NPR3: variants seen among roughly 807,000 people sequenced by gnomAD.
The protein encoded by NPR3 is atrial natriuretic peptide receptor 3.
Under a neutral mutation model 54.5 loss-of-function variants are expected in NPR3, and 34 were observed. The ratio of observed to expected loss-of-function variants is 0.62; its 90% CI spans 0.47 to 0.83. The LOEUF (loss-of-function observed/expected upper bound fraction) is 0.83, where lower values mean the gene tolerates loss of function less well. NPR3 is among the 40% of genes least tolerant of loss of function. The probability of loss-of-function intolerance (pLI) is 0.00; values close to 1 mark genes in which losing one functional copy is unlikely to be tolerated. For missense variants in NPR3, 674 were observed against 720.8 expected, an observed-to-expected ratio of 0.94 and a Z score of 0.74; for synonymous variants, 289 against 297.1, an observed-to-expected ratio of 0.97 and a Z score of 0.28.
upstream of NPR3, among the ~76,000 whole-genome samples, chr5:32,709,138 GCCACTGAAA>G (rs1174450935): frequency 1.3e-5 from 2 of 152,058 alleles, no homozygotes; most frequent in Non-Finnish European, 2.9e-5. Context: ...TCACACCGGT[GCCACTGAAA>G]CCCCAGACTC....
chr5:32,735,747 C>T (rs775809252), intron 2 of NPR3, among the ~76,000 whole-genome samples: 31 of 152,272 alleles, frequency 2.0e-4, no homozygotes, highest in South Asian at 2.1e-4. Flanking sequence ...ACTGATGGGG[C>T]GTCATGCCAA....
chr5:32,705,104 A>C (rs183766388), upstream of NPR3, among the ~76,000 whole-genome samples: 113 of 152,364 alleles, frequency 7.4e-4, no homozygotes, highest in Non-Finnish European at 1.4e-3. Flanking sequence ...TTCTGCTGAA[A>C]TTGAAGCAAG....
chr5:32,710,879 G>GGT (rs1326482495), upstream of NPR3: 52 of 1,028,704 alleles, frequency 5.1e-5, no homozygotes, highest in Admixed American at 8.6e-5. Context: ...TTTTTTGCAC[G>GGT]GTGTGTGTGT....
intron 3 of NPR3, among the ~76,000 whole-genome samples, chr5:32,751,706 C>A (rs1314767152): frequency 6.6e-6 from 1 of 152,132 alleles, no homozygotes; most frequent in Non-Finnish European, 1.5e-5. Context: ...CCCTCTCTCC[C>A]AGGTCTCCCT....
chr5:32,783,232 G>A, intron 6 of NPR3: 1 of 467,492 alleles, frequency 2.1e-6, no homozygotes, highest in Non-Finnish European at 3.7e-6. Flanking sequence ...CACAATGGTA[G>A]AATGTTTCTT....
At chr5:32,710,747 C>G (rs1267888436), upstream of NPR3, 1 of 1,547,664 alleles carries the variant, frequency 6.5e-7, no homozygotes, top group Non-Finnish European at 8.7e-7. Context: ...CGCCCCGCGT[C>G]GGTGCTTCAG....
rs562574593 is a variant in NPR3 at position 32,734,186 on chromosome 5, G to A, written c.893-4678G>A. Among the ~76,000 whole-genome samples the A allele has an allele frequency of 3.3e-5, 5 of 152,256 alleles. No homozygotes were observed. The East Asian group carries it at 5.8e-4, about 18-fold the overall frequency. ...CATGGCAAGCATGTGACAGTGGGTC[G>A]TTTGGAGAGGGTGGGGGTAAGCCAA... On this transcript the variant is annotated intron_variant, in intron 2 of 7. Transcript: ENST00000265074.
chr5:32,707,218 A>G (rs1028465088), upstream of NPR3, among the ~76,000 whole-genome samples: 3 of 152,174 alleles, frequency 2.0e-5, no homozygotes, highest in Admixed American at 2.0e-4. Flanking sequence ...TAATAAAGAA[A>G]CAACTCTGTG....
At chr5:32,704,883 C>T (rs760146125), upstream of NPR3, among the ~76,000 whole-genome samples, 6 of 151,956 alleles carry the variant, frequency 3.9e-5, no homozygotes, top group Non-Finnish European at 8.8e-5. Flanking sequence ...AAGAAGGCAG[C>T]GTACAACTAA....
rs181403003 is a variant in NPR3 at position 32,789,288 on chromosome 5, A to G, written c.*2943A>G. The G allele has an allele frequency of 2.5e-4, 68 of 267,212 alleles. No homozygotes were observed. Among genetic ancestry groups the G allele is most frequent in the Non-Finnish European group, 1.1e-4 (14 of 130,654 alleles). The allele number at this position is 267,212 out of a possible 1,614,324, so 16.6% of individuals were successfully genotyped here. A position where few individuals can be genotyped will look rare whatever the true frequency, so the allele number is the denominator to read the frequency against. The stretch of plus-strand genomic sequence containing the variant: ...TCATTGTCTTCTTAGATTTTTGGGT[A>G]GGGGGGCCAGGTAGGGGGAGACTCA... On this transcript the variant is annotated 3_prime_UTR_variant, in exon 8 of 8. Coordinates refer to ENST00000265074, the MANE Select transcript of NPR3 (RefSeq NM_001204375.2).
chr5:32,725,134 G>A (rs1046304974), intron 2 of NPR3, among the ~76,000 whole-genome samples: 2 of 152,042 alleles, frequency 1.3e-5, no homozygotes, highest in African/African-American at 4.8e-5. Context: ...GGTGGTGGGG[G>A]TGGGTTAAAA....
intron 1 of NPR3, among the ~76,000 whole-genome samples, chr5:32,697,908 G>A (rs902385776): frequency 4.6e-5 from 7 of 151,560 alleles, no homozygotes; most frequent in African/African-American, 9.7e-5. Flanking sequence ...AAGGTTTGTC[G>A]ATTTTCTTTA....
chr5:32,741,328 G>A (rs1740028242), intron 3 of NPR3, among the ~76,000 whole-genome samples: 1 of 152,180 alleles, frequency 6.6e-6, no homozygotes, highest in African/African-American at 2.4e-5. Context: ...TGAGGTAGGA[G>A]GATCACCTGA....
At chr5:32,765,440 G>A (rs1241386671) in intron 3 of NPR3, among the ~76,000 whole-genome samples, 1 of 152,204 alleles carries the variant, frequency 6.6e-6, no homozygotes, top group East Asian at 1.9e-4. Flanking sequence ...GAGTGAGAGA[G>A]GGGATGATGG....
chr5:32,770,005 A>T (rs904331969), intron 3 of NPR3, among the ~76,000 whole-genome samples: 10 of 152,214 alleles, frequency 6.6e-5, no homozygotes, highest in Middle Eastern at 3.2e-3. Context: ...ATTTCTATTC[A>T]GCTCTCCCCA....
At chr5:32,745,001 G>A (rs1476924967) in intron 3 of NPR3, among the ~76,000 whole-genome samples, 1 of 152,136 alleles carries the variant, frequency 6.6e-6, no homozygotes, top group African/African-American at 2.4e-5. Flanking sequence ...TTATTGAATA[G>A]AAAGTACGTC....
At chr5:32,783,163 TG>T in intron 6 of NPR3, 135 bp downstream of exon 6, 4 of 732,664 alleles carry the variant, frequency 5.5e-6, no homozygotes, top group East Asian at 5.7e-5. Context: ...GTAAAACGCA[TG>T]GGAACAGTTC....
intron 2 of NPR3, among the ~76,000 whole-genome samples, chr5:32,729,052 C>T (rs1390533518): frequency 6.3e-5 from 6 of 95,166 alleles, no homozygotes; most frequent in South Asian, 7.2e-4. Flanking sequence ...TTTTTTGAGA[C>T]GGAGTCTCGC....
rs1367954300 is a variant in NPR3 at position 32,712,199 on chromosome 5, G to T, written c.423G>T (p.Ala141=). The T allele has an allele frequency of 1.9e-6, 3 of 1,612,744 alleles. No individual in the cohort carries two copies. The highest frequency in any genetic ancestry group is 2.5e-6 in the Non-Finnish European group (3 of 1,179,698). ...GGCCAGTGTGCGAGTATGCAGCAGC[G>T]CCAGTGGCCCGGCTTGCATCGCACT... is the stretch of plus-strand genomic sequence containing the variant. ...ILGPVCEYAA[A]PVARLASHWD... is the part of the protein sequence containing the mutation. Residue 141 remains alanine, a synonymous_variant, in exon 1 of 8, where the codon GCG becomes GCT. Coordinates refer to ENST00000265074, the MANE Select transcript of NPR3 (RefSeq NM_001204375.2).
Sources: gnomAD v4.1 joint callset for allele counts (sites outside exome capture counted in the v4.1 genomes callset) on GRCh38, gnomAD v4.1.1 for gene constraint, MANE v1.5 for transcripts, NCBI Gene and HGNC (gene_info 2026-07-23, HGNC 2026-07-21) for gene names.